Variants in MCMDC2 observed in about 807,000 individuals in gnomAD.
MCMDC2 encodes minichromosome maintenance domain-containing protein 2.
A neutral mutation model predicts 75.8 loss-of-function variants in MCMDC2; 54 were observed. That is an observed-to-expected ratio of 0.71 (90% confidence interval 0.57 to 0.89). The LOEUF is 0.89. MCMDC2 is among the 40% of genes least tolerant of loss of function. The probability of loss-of-function intolerance (pLI) is 0.00; values close to 1 mark genes in which losing one functional copy is unlikely to be tolerated. For synonymous variants in MCMDC2, 249 were observed against 274.6 expected, an observed-to-expected ratio of 0.91 and a Z score of 0.92; for missense variants, 656 against 780.4, an observed-to-expected ratio of 0.84 and a Z score of 1.90.
chr8:66,888,278 T>C (rs1811937479), intron 9 of MCMDC2, among the ~76,000 whole-genome samples: 1 of 152,054 alleles, frequency 6.6e-6, no homozygotes, highest in Non-Finnish European at 1.5e-5. Context: ...GATGAGGTCT[T>C]GCCATATTGC....
At chr8:66,906,518 A>G (rs1430717800) in intron 14 of MCMDC2, among the ~76,000 whole-genome samples, 1 of 152,132 alleles carries the variant, frequency 6.6e-6, no homozygotes, top group Non-Finnish European at 1.5e-5. Context: ...TCCCTAAATA[A>G]TATACAAATG....
intron 12 of MCMDC2, among the ~76,000 whole-genome samples, chr8:66,897,681 C>G (rs537091665): frequency 1.3e-5 from 2 of 152,226 alleles, no homozygotes; most frequent in South Asian, 2.1e-4. Flanking sequence ...CGAGTCCTGA[C>G]TTTAGGGGAT....
chr8:66,917,247 T>C (rs1388925221), intron 14 of MCMDC2, among the ~76,000 whole-genome samples: 3 of 152,090 alleles, frequency 2.0e-5, no homozygotes, highest in African/African-American at 7.2e-5. Flanking sequence ...AAGGAAGCAG[T>C]CAGAAGTCTG....
intron 9 of MCMDC2, 134 bp downstream of exon 9, chr8:66,884,128 C>T: frequency 1.6e-6 from 1 of 612,548 alleles, no homozygotes; most frequent in Non-Finnish European, 2.8e-6. Context: ...CAATCTTTAT[C>T]AATAAAATTC....
chr8:66,913,284 T>A (rs1417871307), intron 14 of MCMDC2, among the ~76,000 whole-genome samples: 1 of 152,212 alleles, frequency 6.6e-6, no homozygotes, highest in African/African-American at 2.4e-5. Context: ...ATAGGGTAAA[T>A]ATAACTTTTA....
chr8:66,874,013 T>TTAAA (rs1491156457), intron 1 of MCMDC2, 40 bp from the exon 2 acceptor site: 19 of 628,196 alleles, frequency 3.0e-5, no homozygotes, highest in Non-Finnish European at 4.5e-5. Context: ...TGTAAAGTCT[T>TTAAA]ATTAGAGATT....
chr8:66,875,558 T>C (rs939976418), intron 4 of MCMDC2, among the ~76,000 whole-genome samples: 3 of 152,196 alleles, frequency 2.0e-5, no homozygotes, highest in Non-Finnish European at 4.4e-5. Context: ...GGATTACAGG[T>C]GTGAGCTACT....
intron 4 of MCMDC2, 29 bp downstream of exon 4, chr8:66,874,615 C>T (rs1221248428): frequency 1.3e-6 from 2 of 1,581,642 alleles, no homozygotes; most frequent in Non-Finnish European, 1.7e-6. Context: ...TAAGCAAACT[C>T]AGGTACAGAT....
At chr8:66,881,924 T>C (rs941331512) in intron 8 of MCMDC2, among the ~76,000 whole-genome samples, 2 of 152,354 alleles carry the variant, frequency 1.3e-5, no homozygotes, top group Admixed American at 6.5e-5. Context: ...AGAGTTGGAT[T>C]TTTTTGTAAT....
intron 14 of MCMDC2, among the ~76,000 whole-genome samples, chr8:66,907,194 T>C (rs1812940561): frequency 1.3e-5 from 2 of 151,882 alleles, no homozygotes; most frequent in Non-Finnish European, 2.9e-5. Context: ...AAGCCCCGCA[T>C]GGTATTTGTC....
chr8:66,899,981 A>T (rs1050378821), intron 12 of MCMDC2, among the ~76,000 whole-genome samples: 2 of 149,760 alleles, frequency 1.3e-5, no homozygotes, highest in Non-Finnish European at 3.0e-5. Flanking sequence ...AAAACAAAAG[A>T]AAAAATTAGC....
At chr8:66,888,742 T>C (rs111348667) in intron 9 of MCMDC2, among the ~76,000 whole-genome samples, 5,031 of 152,330 alleles carry the variant, frequency 0.033, 295 homozygotes, top group African/African-American at 0.11. Context: ...GTATCAGTAG[T>C]TTTAAAAGTT....
chr8:66,899,938 A>G (rs946344744), intron 12 of MCMDC2, among the ~76,000 whole-genome samples: 4 of 150,556 alleles, frequency 2.7e-5, no homozygotes, highest in Admixed American at 1.3e-4. Flanking sequence ...CCTGGCCAAT[A>G]TGGTGAAACT....
Position 66,901,315 on chromosome 8 carries a change from G to A in MCMDC2, c.1736G>A (p.Gly579Glu), listed in dbSNP as rs1165001643. 3.7e-6 allele frequency: 6 copies of A among 1,612,516 alleles called. No individual in the cohort carries two copies. In the African/African-American group the frequency reaches 6.7e-5, roughly 18 times the overall value. The change falls in exon 13 of 15, where the codon GGA (glycine) becomes GAA (glutamate). Residue 579 changes from glycine (G) to glutamate (E), a missense_variant. Gly to Glu is a moderately conservative substitution (Grantham distance 98). Transcript: ENST00000422365. The stretch of plus-strand genomic sequence containing the variant: ...AGAATCAGAACAGGCTCTGTATGTG[G>A]ATCAAAGCTGTCAGCATCTGCATTA... ...SRRIRTGSVC[G>E]SKLSASALKY...
At position 66,922,038 on chromosome 8, in the gene MCMDC2, C is replaced by G. The variant is rs7815863; in HGVS notation, c.*2869C>G. ...TGTTATCAACATCAAGTAAAATGCT[C>G]ATTTTCATCATTTGCTTCTGTTCAT... is the stretch of plus-strand genomic sequence containing the variant. On this transcript the variant is annotated 3_prime_UTR_variant, in exon 15 of 15. Transcript: ENST00000422365. The G allele has an allele frequency of 0.098, 14,966 of 152,906 alleles. 1,190 individuals are homozygous for G. Among genetic ancestry groups the G allele is most frequent in the African/African-American group, 0.22 (8,963 of 41,490 alleles). The allele number at this position is 152,906 out of a possible 1,614,324, so 9.5% of individuals were successfully genotyped here.
At position 66,883,770 on chromosome 8, in the gene MCMDC2, T is replaced by C; in HGVS notation, c.849T>C (p.Ile283=). Residue 283 remains isoleucine, a synonymous_variant, in exon 9 of 15, where the codon ATT becomes ATC. Coordinates refer to ENST00000422365, the MANE Select transcript of MCMDC2 (RefSeq NM_173518.5). ...TFCNSKVPSG[I]SDNFRCLLSL... is the part of the protein sequence containing the mutation. Reference sequence around the variant, plus strand: ...ATTTACTTTCAGTTCCTTCAGGAATTAGTGACAACTTCAGGTGTCTCCTCT... The same window carrying C: ...ATTTACTTTCAGTTCCTTCAGGAATCAGTGACAACTTCAGGTGTCTCCTCT... The C allele has an allele frequency of 3.8e-6, 6 of 1,599,886 alleles. No individual in the cohort carries two copies. In the Middle Eastern group the frequency reaches 8.3e-4, roughly 222 times the overall value.
chr8:66,896,733 A>G (rs2130836145), intron 11 of MCMDC2, 47 bp from the exon 12 acceptor site: 3 of 1,388,112 alleles, frequency 2.2e-6, no homozygotes, highest in African/African-American at 2.9e-5. Context: ...CAAATTGTGA[A>G]AATTACAAAG....
intron 9 of MCMDC2, among the ~76,000 whole-genome samples, chr8:66,885,054 C>T (rs1362414706): frequency 1.3e-5 from 2 of 152,136 alleles, no homozygotes; most frequent in African/African-American, 4.8e-5. Context: ...GCAATCTGGG[C>T]TGGGCGTGGT....
intron 8 of MCMDC2, among the ~76,000 whole-genome samples, chr8:66,882,295 C>T (rs1202243358): frequency 6.6e-6 from 1 of 152,242 alleles, no homozygotes; most frequent in African/African-American, 2.4e-5. Flanking sequence ...TGGAAATCTC[C>T]GAGCTTTCGC....
Sources: allele counts gnomAD v4.1 joint callset (sites outside exome capture counted in the v4.1 genomes callset), GRCh38; gene constraint gnomAD v4.1.1; transcripts MANE v1.5; gene names NCBI Gene and HGNC (gene_info 2026-07-23, HGNC 2026-07-21).